Variants in ACAP2 observed in about 807,000 individuals in gnomAD.
ACAP2 encodes ArfGAP with coiled-coil, ankyrin repeat and PH domains 2.
ACAP2 carries 39 observed loss-of-function variants against 115.8 expected under a neutral mutation model. The ratio of observed to expected loss-of-function variants is 0.34; its 90% confidence interval spans 0.26 to 0.44. ACAP2 has a LOEUF of 0.44. Among genes scored for constraint, ACAP2 ranks in the 20% least tolerant of loss-of-function variants. ACAP2 has a pLI of 1.00. For synonymous variants in ACAP2, 289 were observed against 315.8 expected (o/e 0.92, Z 0.90); for missense variants, 662 against 927.6 (o/e 0.71, Z 3.72).
intron 1 of ACAP2, among the ~76,000 whole-genome samples, chr3:195,404,802 CTTTT>C (rs938693453): frequency 2.1e-5 from 3 of 139,756 alleles, no homozygotes; most frequent in African/African-American, 5.2e-5. Flanking sequence ...ATAATTTTTT[CTTTT>C]TTTTTTTTGG....
At chr3:195,378,460 C>G (rs548050643) in intron 4 of ACAP2, among the ~76,000 whole-genome samples, 1 of 151,998 alleles carries the variant, frequency 6.6e-6, no homozygotes, top group East Asian at 1.9e-4. Flanking sequence ...CCGCTGCACT[C>G]CAGCCTGGCA....
chr3:195,436,853 G>C (rs1416796528), intron 1 of ACAP2, among the ~76,000 whole-genome samples: 2 of 151,992 alleles, frequency 1.3e-5, no homozygotes, highest in South Asian at 4.1e-4. Context: ...TCATTAGGAA[G>C]AAAATAAAAT....
chr3:195,356,189 A>G (rs1232233726), intron 4 of ACAP2: 1 of 456,572 alleles, frequency 2.2e-6, no homozygotes, highest in Non-Finnish European at 4.4e-6. Flanking sequence ...TGCGCTGCAC[A>G]CGGGGAAAGA....
chr3:195,353,030 A>C (rs1731713972), intron 4 of ACAP2, among the ~76,000 whole-genome samples: 1 of 150,972 alleles, frequency 6.6e-6, no homozygotes, highest in Non-Finnish European at 1.5e-5. Flanking sequence ...GCAATGAGCC[A>C]AGGTCATGCC....
intron 1 of ACAP2, among the ~76,000 whole-genome samples, chr3:195,393,484 T>G (rs1421009171): frequency 6.6e-6 from 1 of 152,204 alleles, no homozygotes; most frequent in African/African-American, 2.4e-5. Flanking sequence ...GAAATGCCTA[T>G]GATAAAATGA....
At chr3:195,304,188 A>C (rs1032445424) in intron 13 of ACAP2, among the ~76,000 whole-genome samples, 1 of 150,658 alleles carries the variant, frequency 6.6e-6, no homozygotes, top group Non-Finnish European at 1.5e-5. Flanking sequence ...AAAAAAAAAA[A>C]AAAAAAACTT....
chr3:195,320,674 T>A lies in ACAP2; in HGVS notation c.857+27A>T, dbSNP rs1275285841. On this transcript the variant is annotated intron_variant, in intron 10 of 22. Transcript: ENST00000326793. Reference sequence around the variant, plus strand: ...TCAGAAAATCAAAACTATGTATAGATCAAGACTAGTATTTGAAATATATTA... The same window carrying A: ...TCAGAAAATCAAAACTATGTATAGAACAAGACTAGTATTTGAAATATATTA... The A allele has an allele frequency of 4.0e-6, 6 of 1,503,538 alleles. No individual in the cohort carries two copies. The South Asian group carries it at 4.5e-5, about 11-fold the overall frequency. 93.1% of individuals were successfully genotyped at this position (1,503,538 alleles called of 1,614,324 possible).
chr3:195,325,969 T>C (rs914986858), intron 9 of ACAP2, among the ~76,000 whole-genome samples: 7 of 152,332 alleles, frequency 4.6e-5, no homozygotes, highest in African/African-American at 1.7e-4. Context: ...TGTAGAAATC[T>C]TTCCTTTAAT....
At chr3:195,430,404 G>A (rs79928251) in intron 1 of ACAP2, among the ~76,000 whole-genome samples, 3,250 of 152,176 alleles carry the variant, frequency 0.021, 113 homozygotes, top group East Asian at 0.1. Context: ...TATACTCTCT[G>A]AGATTTGCTT....
chr3:195,391,335 T>G (rs1734663965), intron 2 of ACAP2, among the ~76,000 whole-genome samples: 1 of 151,292 alleles, frequency 6.6e-6, no homozygotes, highest in South Asian at 2.1e-4. Flanking sequence ...GCTCAAGCGA[T>G]TCTCCTGCCT....
chr3:195,348,477 G>A (rs2108661935), intron 4 of ACAP2, among the ~76,000 whole-genome samples: 1 of 152,086 alleles, frequency 6.6e-6, no homozygotes, highest in South Asian at 2.1e-4. Flanking sequence ...AAATCTATCG[G>A]AAAATCTATT....
At chr3:195,315,509 A>T (rs1729030134) in intron 10 of ACAP2, among the ~76,000 whole-genome samples, 1 of 152,246 alleles carries the variant, frequency 6.6e-6, no homozygotes, top group Non-Finnish European at 1.5e-5. Flanking sequence ...ATCAAAATAA[A>T]GATGGTTTGG....
intron 2 of ACAP2, among the ~76,000 whole-genome samples, chr3:195,382,523 C>T (rs1236980084): frequency 6.6e-6 from 1 of 151,962 alleles, no homozygotes. Flanking sequence ...TCTTCCATTC[C>T]TTCCTTCCTT....
chr3:195,413,836 G>A (rs964533005), intron 1 of ACAP2, among the ~76,000 whole-genome samples: 1 of 151,966 alleles, frequency 6.6e-6, no homozygotes, highest in Non-Finnish European at 1.5e-5. Context: ...CAAGCCAGGC[G>A]TGATGGTGCA....
intron 1 of ACAP2, among the ~76,000 whole-genome samples, chr3:195,429,981 T>C (rs1017995550): frequency 2.6e-5 from 4 of 152,246 alleles, no homozygotes; most frequent in Admixed American, 2.6e-4. Flanking sequence ...ATTAATATTA[T>C]TCTGTTTAAT....
intron 18 of ACAP2, among the ~76,000 whole-genome samples, 176 bp downstream of exon 18, chr3:195,294,543 A>G (rs1403200178): frequency 6.8e-6 from 1 of 146,548 alleles, no homozygotes; most frequent in Non-Finnish European, 1.5e-5. Context: ...GTACCGCTGC[A>G]CTCCAGCCTG....
chr3:195,356,046 ATC>A (rs1560280801), intron 4 of ACAP2: 1 of 453,492 alleles, frequency 2.2e-6, no homozygotes, highest in Non-Finnish European at 4.5e-6. Context: ...AGAACCAAAA[ATC>A]ATGTGAGCAA....
chr3:195,332,575 A>G (rs998033940), intron 8 of ACAP2, among the ~76,000 whole-genome samples: 3 of 152,176 alleles, frequency 2.0e-5, no homozygotes, highest in African/African-American at 7.2e-5. Context: ...GTCCTCCTTG[A>G]TATGATTTGG....
chr3:195,306,865 A>AC (rs1325058425), intron 12 of ACAP2: 13 of 306,542 alleles, frequency 4.2e-5, no homozygotes, highest in Non-Finnish European at 2.3e-5. Context: ...AAAAAAAAAA[A>AC]ACCACTTAAA....
Sources: allele counts gnomAD v4.1 joint callset (sites outside exome capture counted in the v4.1 genomes callset), GRCh38; gene constraint gnomAD v4.1.1; transcripts MANE v1.5; gene names NCBI Gene and HGNC (gene_info 2026-07-23, HGNC 2026-07-21).